Variants in SGCZ observed in about 807,000 individuals in gnomAD.
SGCZ encodes the protein zeta-sarcoglycan.
SGCZ carries 40 observed loss-of-function variants against 41.3 expected under a neutral mutation model. The ratio of observed to expected loss-of-function variants is 0.97; its 90% CI spans 0.75 to 1.26. SGCZ has a LOEUF of 1.26. Ranked by LOEUF, SGCZ falls within the 50% of genes most tolerant of loss-of-function variation. The pLI is 0.00. For synonymous variants in SGCZ, 206 were observed against 137.5 expected, an observed-to-expected ratio of 1.50 and a Z score of -3.49; for missense variants, 552 against 369.8, an observed-to-expected ratio of 1.49 and a Z score of -4.04.
At chr8:14,921,176 C>CGCATTCCCT (rs1311271561) in intron 1 of SGCZ, among the ~76,000 whole-genome samples, 1 of 152,144 alleles carries the variant, frequency 6.6e-6, no homozygotes, top group African/African-American at 2.4e-5. Flanking sequence ...CTCAGCTTCC[C>CGCATTCCCT]GCATTCCCTT....
chr8:14,724,173 T>C (rs910960971), intron 1 of SGCZ, among the ~76,000 whole-genome samples: 2 of 152,162 alleles, frequency 1.3e-5, no homozygotes, highest in Admixed American at 1.3e-4. Context: ...GAACAAAGGC[T>C]TTCCAGTATT....
intron 1 of SGCZ, among the ~76,000 whole-genome samples, chr8:15,017,853 G>A (rs1803097703): frequency 6.6e-6 from 1 of 152,046 alleles, no homozygotes; most frequent in African/African-American, 2.4e-5. Flanking sequence ...AACATATTCA[G>A]AAACAGAACT....
intron 2 of SGCZ, among the ~76,000 whole-genome samples, chr8:14,404,582 A>G (rs1292635436): frequency 6.6e-6 from 1 of 152,200 alleles, no homozygotes; most frequent in African/African-American, 2.4e-5. Flanking sequence ...TTCTTTAACA[A>G]TCAGAAAGAA....
chr8:14,231,838 CA>C (rs1806582064), intron 4 of SGCZ, among the ~76,000 whole-genome samples: 1 of 152,214 alleles, frequency 6.6e-6, no homozygotes, highest in South Asian at 2.1e-4. Context: ...TTTTAAAGCA[CA>C]GTGGGATCAT....
At chr8:15,175,514 TAC>T (rs993717287) in intron 1 of SGCZ, among the ~76,000 whole-genome samples, 39 of 151,948 alleles carry the variant, frequency 2.6e-4, no homozygotes, top group African/African-American at 7.7e-4. Flanking sequence ...AGAGTGGAGC[TAC>T]ACACACTGGG....
chr8:14,968,583 G>T (rs1427797262), intron 1 of SGCZ, among the ~76,000 whole-genome samples: 1 of 152,004 alleles, frequency 6.6e-6, no homozygotes, highest in Non-Finnish European at 1.5e-5. Context: ...AAAATCAAGG[G>T]ACTCAGTACT....
At chr8:14,460,554 T>C (rs532373724) in intron 2 of SGCZ, among the ~76,000 whole-genome samples, 3 of 152,054 alleles carry the variant, frequency 2.0e-5, no homozygotes, top group African/African-American at 4.8e-5. Context: ...GGCATGCAAA[T>C]AGCTCTTCAG....
intron 1 of SGCZ, among the ~76,000 whole-genome samples, chr8:14,665,592 T>G (rs1045707283): frequency 3.9e-5 from 6 of 152,194 alleles, no homozygotes; most frequent in African/African-American, 1.4e-4. Context: ...ACAGAACAAG[T>G]GTTCAATAGA....
intron 2 of SGCZ, among the ~76,000 whole-genome samples, chr8:14,428,084 T>G (rs988264354): frequency 6.7e-6 from 1 of 150,012 alleles, no homozygotes; most frequent in African/African-American, 2.5e-5. Context: ...CCGCAGATAC[T>G]GAAGAATGGT....
In SGCZ at chr8:14,257,416, C is replaced by T. The variant is rs79078512; in HGVS notation, c.337-19737G>A. On this transcript the variant is annotated intron_variant, in intron 3 of 7. Coordinates refer to ENST00000382080, the MANE Select transcript of SGCZ (RefSeq NM_139167.4). ...AAACCTAAACAGGTTTCCTCTTTTA[C>T]TCTAAAACTGTTTTTGCAGCATTCT... is the stretch of plus-strand genomic sequence containing the variant. 7.1e-3 allele frequency among the ~76,000 whole-genome samples: 1,078 copies of T among 151,920 alleles called. 40 individuals are homozygous for T. In the East Asian group the frequency reaches 0.085, roughly 12 times the overall value.
intron 2 of SGCZ, among the ~76,000 whole-genome samples, chr8:14,385,733 C>T (rs1169039441): frequency 6.6e-6 from 1 of 151,968 alleles, no homozygotes; most frequent in African/African-American, 2.4e-5. Flanking sequence ...GAACAACCAA[C>T]CAAACAAAAA....
chr8:14,759,552 C>G (rs1240710012), intron 1 of SGCZ, among the ~76,000 whole-genome samples: 1 of 152,092 alleles, frequency 6.6e-6, no homozygotes, highest in East Asian at 1.9e-4. Flanking sequence ...ATGGAGTAAA[C>G]AGTCTCTAAT....
chr8:15,044,749 C>T (rs1804240719), intron 1 of SGCZ, among the ~76,000 whole-genome samples: 1 of 152,016 alleles, frequency 6.6e-6, no homozygotes, highest in Admixed American at 6.6e-5. Flanking sequence ...TAATTAGTTC[C>T]CCTGTGGCCT....
chr8:14,339,196 A>C (rs1585382161), intron 2 of SGCZ, among the ~76,000 whole-genome samples: 2 of 152,192 alleles, frequency 1.3e-5, no homozygotes, highest in South Asian at 4.1e-4. Context: ...CAATTATCAT[A>C]GACTTCCTTA....
At chr8:14,341,759 A>T (rs1237035221) in intron 2 of SGCZ, among the ~76,000 whole-genome samples, 2 of 152,084 alleles carry the variant, frequency 1.3e-5, no homozygotes, top group Non-Finnish European at 2.9e-5. Flanking sequence ...GATGGGTTTA[A>T]TCGGGGGTTT....
intron 1 of SGCZ, among the ~76,000 whole-genome samples, chr8:14,578,849 C>T (rs929843534): frequency 1.3e-5 from 2 of 152,106 alleles, no homozygotes; most frequent in Non-Finnish European, 2.9e-5. Context: ...AACTTAATAG[C>T]ATCCAATTTG....
chr8:14,429,876 T>C (rs1799893710), intron 2 of SGCZ, among the ~76,000 whole-genome samples: 1 of 152,144 alleles, frequency 6.6e-6, no homozygotes. Flanking sequence ...TTCTTCCTGA[T>C]ATAAGCTAGG....
chr8:14,787,218 G>T (rs1404274939), intron 1 of SGCZ, among the ~76,000 whole-genome samples: 1 of 152,090 alleles, frequency 6.6e-6, no homozygotes, highest in Non-Finnish European at 1.5e-5. Flanking sequence ...AACAGAAGAA[G>T]CCGAAGACTT....
chr8:15,088,497 A>C (rs533654689), intron 1 of SGCZ, among the ~76,000 whole-genome samples: 1 of 152,226 alleles, frequency 6.6e-6, no homozygotes, highest in Non-Finnish European at 1.5e-5. Context: ...GCACAACTGC[A>C]ATACATGTAC....
Sources: gnomAD v4.1 joint callset for allele counts (sites outside exome capture counted in the v4.1 genomes callset) on GRCh38, gnomAD v4.1.1 for gene constraint, MANE v1.5 for transcripts, NCBI Gene and HGNC (gene_info 2026-07-23, HGNC 2026-07-21) for gene names.